Variants in SOD2 observed in about 807,000 individuals in gnomAD.
The protein encoded by SOD2 is superoxide dismutase [Mn], mitochondrial.
A neutral mutation model predicts 27.0 loss-of-function variants in SOD2; 11 were observed. The observed-to-expected ratio is 0.41, with a 90% CI of 0.26 to 0.67. The LOEUF is 0.67. Ranked by LOEUF, SOD2 falls within the 30% of genes least tolerant of loss-of-function variation. SOD2 has a pLI of 0.34. For missense variants in SOD2, 250 were observed against 274.5 expected (o/e 0.91, Z 0.63); for synonymous variants, 105 against 103.0 (o/e 1.02, Z -0.12).
chr6:159,762,232 T>G, exon 1 of SOD2: 1 of 1,442,018 alleles, frequency 6.9e-7, no homozygotes, highest in Admixed American at 2.5e-5. Context: ...GAGAGGGGCG[T>G]ATGTGGAGGA....
At chr6:159,744,770 A>C (rs1487253110) in intron 1 of SOD2, among the ~76,000 whole-genome samples, 2 of 151,924 alleles carry the variant, frequency 1.3e-5, no homozygotes, top group Non-Finnish European at 2.9e-5. Context: ...TCCAGGCTGG[A>C]GTGCAGTGGT....
intron 3 of SOD2, among the ~76,000 whole-genome samples, chr6:159,685,367 C>T (rs372302176): frequency 5.2e-4 from 79 of 151,812 alleles, no homozygotes; most frequent in African/African-American, 1.7e-3. Flanking sequence ...CTTAGCCTCC[C>T]GAGCAGCTGC....
upstream of SOD2, chr6:159,727,818 C>T (rs1278790225): frequency 9.6e-6 from 7 of 731,294 alleles, no homozygotes; most frequent in Non-Finnish European, 1.2e-5. Flanking sequence ...GCCACACGGG[C>T]CTGGTGCGGC....
At chr6:159,738,765 C>T (rs1779067604) in intron 1 of SOD2, among the ~76,000 whole-genome samples, 1 of 151,900 alleles carries the variant, frequency 6.6e-6, no homozygotes, top group Non-Finnish European at 1.5e-5. Context: ...TGTGGTGATA[C>T]CTGGGGTTTT....
At chr6:159,762,095 C>T (rs1435910943) in exon 1 of SOD2, 1 of 1,613,178 alleles carries the variant, frequency 6.2e-7, no homozygotes, top group Admixed American at 1.7e-5. Context: ...AAGATGAATG[C>T]AGGCTCAGAT....
intron 1 of SOD2, among the ~76,000 whole-genome samples, chr6:159,702,654 C>CAAAAAAAAAAAA (rs750073120): frequency 7.8e-4 from 31 of 39,626 alleles, no homozygotes; most frequent in East Asian, 1.7e-3. Context: ...TCTATCTCTC[C>CAAAAAAAAAAAA]AAAAAAAAAA....
Position 159,726,949 on chromosome 6 carries a change from A to C in SOD2, c.-116+180T>G, listed in dbSNP as rs113133530. 7,058 of 1,287,946 alleles carry C rather than the reference A, an allele frequency of 5.5e-3. 325 individuals carry two copies. The African/African-American group carries it at 0.096, about 18-fold the overall frequency. The allele number at this position is 1,287,946 out of a possible 1,614,324, so 79.8% of individuals were successfully genotyped here. On this transcript the variant is annotated intron_variant, in intron 1 of 2. Transcript: ENST00000401980. ...CCTCCGACACGCGGAAGCATCACGG[A>C]TGAGCGTCACGAACACAGAGCGGCC...
chr6:159,755,015 C>G (rs1779952538), intron 1 of SOD2: 6 of 1,583,216 alleles, frequency 3.8e-6, no homozygotes, highest in Non-Finnish European at 5.2e-6. Context: ...TGGTCTGACT[C>G]TCCTTTGCAC....
At chr6:159,733,541 G>T (rs1778718666) in intron 1 of SOD2, among the ~76,000 whole-genome samples, 1 of 151,936 alleles carries the variant, frequency 6.6e-6, no homozygotes, top group South Asian at 2.1e-4. Flanking sequence ...AGGATCACTT[G>T]AGCCTGGGAG....
At chr6:159,728,136 T>A (rs1253955550), upstream of SOD2, among the ~76,000 whole-genome samples, 1 of 152,250 alleles carries the variant, frequency 6.6e-6, no homozygotes, top group Non-Finnish European at 1.5e-5. Flanking sequence ...TGTCACGCAG[T>A]AGGATGTTAC....
intron 1 of SOD2, among the ~76,000 whole-genome samples, chr6:159,704,979 T>A (rs1388691200): frequency 2.0e-5 from 3 of 152,198 alleles, no homozygotes; most frequent in Non-Finnish European, 4.4e-5. Context: ...ATATTCGCTG[T>A]TCTGCAGCCT....
At chr6:159,703,668 T>C (rs1051881889) in intron 1 of SOD2, among the ~76,000 whole-genome samples, 2 of 152,238 alleles carry the variant, frequency 1.3e-5, no homozygotes, top group Non-Finnish European at 2.9e-5. Context: ...TGTTTTCACT[T>C]TGAATCGCAT....
At chr6:159,730,761 T>A (rs1264828200), upstream of SOD2, 1 of 152,224 alleles carries the variant, frequency 6.6e-6, no homozygotes, top group African/African-American at 2.4e-5. Flanking sequence ...CTCTGAGAGT[T>A]GACTTAGGAA....
upstream of SOD2, among the ~76,000 whole-genome samples, chr6:159,730,601 C>T (rs568378545): frequency 9.9e-5 from 15 of 152,224 alleles, no homozygotes; most frequent in African/African-American, 3.6e-4. Flanking sequence ...TGCCAGATGG[C>T]GCATTTAACT....
At chr6:159,736,876 T>C (rs117617813) in intron 1 of SOD2, among the ~76,000 whole-genome samples, 1 of 152,170 alleles carries the variant, frequency 6.6e-6, no homozygotes, top group Non-Finnish European at 1.5e-5. Flanking sequence ...TAACATCGTC[T>C]CTAGGAGGAA....
chr6:159,756,901 G>A (rs1427907724), intron 1 of SOD2, among the ~76,000 whole-genome samples: 2 of 152,090 alleles, frequency 1.3e-5, no homozygotes, highest in Admixed American at 1.3e-4. Flanking sequence ...ACAGCTCCTG[G>A]CCCTTTTTGA....
chr6:159,748,161 G>C (rs988966522), upstream of SOD2: 37 of 1,597,668 alleles, frequency 2.3e-5, no homozygotes, highest in Non-Finnish European at 3.1e-5. The surrounding 1 kb of genome is among the most constrained non-coding windows in gnomAD (Gnocchi z 5.6). Flanking sequence ...CCTTTGATTT[G>C]GTCGTAATTG....
rs1037726793 is a variant in SOD2 at position 159,679,689 on chromosome 6, C to T, written c.*2804G>A. 1.3e-5 allele frequency: 2 copies of T among 152,258 alleles called. No homozygotes were observed. The highest frequency in any genetic ancestry group is 2.4e-5 in the African/African-American group (1 of 41,464). 9.4% of individuals were successfully genotyped at this position (152,258 alleles called of 1,614,324 possible). ...AGCACAGCTATGACTAGGGCAGGCA[C>T]TGCTGATTCAGTCACAAAAACCCTT... On this transcript the variant is annotated 3_prime_UTR_variant, in exon 5 of 5. Coordinates refer to ENST00000538183, the MANE Select transcript of SOD2 (RefSeq NM_000636.4).
intron 1 of SOD2, among the ~76,000 whole-genome samples, chr6:159,712,593 TCCA>T (rs984727629): frequency 2.1e-5 from 3 of 140,622 alleles, no homozygotes; most frequent in African/African-American, 8.0e-5. Context: ...CCTAACCGCC[TCCA>T]CAACGACCAC....
Sources: gnomAD v4.1 joint callset for allele counts (sites outside exome capture counted in the v4.1 genomes callset) on GRCh38, gnomAD v4.1.1 for gene constraint, Gnocchi (gnomAD v3.1) non-coding constraint, MANE v1.5 for transcripts, NCBI Gene and HGNC (gene_info 2026-07-23, HGNC 2026-07-21) for gene names.